Variants in PCDHGB7 observed in about 807,000 individuals in gnomAD.
The protein encoded by PCDHGB7 is protocadherin gamma subfamily B, 7.
In PCDHGB7, 37 loss-of-function variants were observed where a neutral mutation model predicts 61.4. The observed-to-expected ratio is 0.60, with a 90% CI of 0.46 to 0.79. The LOEUF (loss-of-function observed/expected upper bound fraction) is 0.79, where lower values mean the gene tolerates loss of function less well. Ranked by LOEUF, PCDHGB7 falls within the 30% of genes least tolerant of loss-of-function variation. The pLI, the probability that PCDHGB7 is intolerant of heterozygous loss-of-function variation, is 0.00. For missense variants in PCDHGB7, 1,166 were observed against 1,202.5 expected, an observed-to-expected ratio of 0.97 and a Z score of 0.45; for synonymous variants, 464 against 503.5, an observed-to-expected ratio of 0.92 and a Z score of 1.05.
At chr5:141,433,124 G>T in intron 1 of PCDHGB7, 5 of 1,614,136 alleles carry the variant, frequency 3.1e-6, no homozygotes, top group Non-Finnish European at 4.2e-6. Context: ...TGAAAAAAGC[G>T]AGCCCCTTTT....
chr5:141,422,253 T>C (rs917280432), intron 1 of PCDHGB7: 58 of 1,566,438 alleles, frequency 3.7e-5, no homozygotes, highest in Non-Finnish European at 5.0e-5. Context: ...TGGATGTGAA[T>C]GATAACGCTC....
intron 1 of PCDHGB7, among the ~76,000 whole-genome samples, chr5:141,457,931 T>G (rs1335457669): frequency 6.6e-6 from 1 of 152,184 alleles, no homozygotes; most frequent in Non-Finnish European, 1.5e-5. Context: ...CCAAGGGGCT[T>G]TTATTGGCTC....
intron 2 of PCDHGB7, among the ~76,000 whole-genome samples, chr5:141,501,890 A>G (rs1046816316): frequency 6.6e-6 from 1 of 151,980 alleles, no homozygotes; most frequent in Non-Finnish European, 1.5e-5. Flanking sequence ...CCTGATCATC[A>G]TGGTTCCAAC....
At chr5:141,467,920 A>G (rs1244280087) in intron 1 of PCDHGB7, among the ~76,000 whole-genome samples, 1 of 152,124 alleles carries the variant, frequency 6.6e-6, no homozygotes, top group Non-Finnish European at 1.5e-5. Flanking sequence ...CAGCCTCCCA[A>G]AATGCTAGGA....
chr5:141,503,304 A>G (rs946582779), intron 2 of PCDHGB7, among the ~76,000 whole-genome samples: 1 of 152,150 alleles, frequency 6.6e-6, no homozygotes, highest in African/African-American at 2.4e-5. Flanking sequence ...ATTGCTCAAG[A>G]AAGAATTGTT....
At chr5:141,451,060 C>T (rs1241509553) in intron 1 of PCDHGB7, among the ~76,000 whole-genome samples, 1 of 151,562 alleles carries the variant, frequency 6.6e-6, no homozygotes, top group African/African-American at 2.4e-5. Context: ...GAACTCCTGA[C>T]CTTGTGATCC....
At chr5:141,435,362 C>A (rs2097758711) in intron 1 of PCDHGB7, among the ~76,000 whole-genome samples, 1 of 152,120 alleles carries the variant, frequency 6.6e-6, no homozygotes, top group Admixed American at 6.6e-5. Flanking sequence ...AAAATTTTAT[C>A]ACTTAAATAT....
At chr5:141,424,068 G>T in intron 1 of PCDHGB7, 1 of 993,858 alleles carries the variant, frequency 1.0e-6, no homozygotes. Flanking sequence ...TCACTGATTT[G>T]TAGTTATATT....
In PCDHGB7 at chr5:141,511,086, G is replaced by A. The variant is rs2099883600; in HGVS notation, c.2703G>A (p.Leu901=). The A allele has an allele frequency of 1.2e-6, 2 of 1,614,062 alleles. No individual in the cohort carries two copies. The highest frequency in any genetic ancestry group is 2.2e-5 in the East Asian group (1 of 44,886). The change falls in exon 4 of 4, where the codon CTG becomes CTA. Residue 901 remains leucine (L), a synonymous_variant. Transcript: ENST00000398594. ...ACATCCCAGGCAGCAATGCCACACT[G>A]ACCAACGCAGCTGGCAAGCGGGATG... is the stretch of plus-strand genomic sequence containing the variant. The part of the protein sequence containing the change: ...NVYIPGSNAT[L]TNAAGKRDGK...
At chr5:141,484,921 T>A in intron 1 of PCDHGB7, 1 of 478,304 alleles carries the variant, frequency 2.1e-6, no homozygotes, top group South Asian at 2.8e-5. Flanking sequence ...TTAACCCTGC[T>A]GCTGTTGGGA....
At chr5:141,426,946 C>T (rs565370434) in intron 1 of PCDHGB7, 5 of 456,668 alleles carry the variant, frequency 1.1e-5, no homozygotes, top group Non-Finnish European at 2.2e-5. Context: ...CCAGTCCCAA[C>T]TGGCACTGCT....
chr5:141,424,295 C>T (rs1481053072), intron 1 of PCDHGB7: 1 of 152,526 alleles, frequency 6.6e-6, no homozygotes, highest in East Asian at 1.9e-4. Flanking sequence ...TTTCTTCATC[C>T]TATCAACACA....
intron 1 of PCDHGB7, among the ~76,000 whole-genome samples, chr5:141,420,877 G>T (rs566962587): frequency 3.9e-5 from 6 of 152,338 alleles, no homozygotes; most frequent in African/African-American, 1.4e-4. Context: ...TGTAAGTATT[G>T]TGTATCATCG....
chr5:141,455,541 A>G (rs2098825752), intron 1 of PCDHGB7, among the ~76,000 whole-genome samples: 1 of 152,134 alleles, frequency 6.6e-6, no homozygotes, highest in African/African-American at 2.4e-5. Context: ...CATATCATTC[A>G]CGTAGCCCGA....
intron 1 of PCDHGB7, chr5:141,478,308 T>A: frequency 6.2e-7 from 1 of 1,614,050 alleles, no homozygotes; most frequent in Non-Finnish European, 8.5e-7. Context: ...CGAGCCCCGG[T>A]GAGCTCACTG....
chr5:141,455,140 A>G (rs1465733732), intron 1 of PCDHGB7, among the ~76,000 whole-genome samples: 1 of 150,512 alleles, frequency 6.6e-6, no homozygotes, highest in Non-Finnish European at 1.5e-5. Context: ...ACACTGTGTT[A>G]AATAAATATT....
intron 1 of PCDHGB7, among the ~76,000 whole-genome samples, chr5:141,447,650 T>G (rs555134653): frequency 1.3e-5 from 2 of 151,988 alleles, no homozygotes; most frequent in Non-Finnish European, 2.9e-5. Flanking sequence ...GGTAGAATTT[T>G]CCCCCCCAGG....
intron 2 of PCDHGB7, among the ~76,000 whole-genome samples, chr5:141,504,143 C>A (rs2099835975): frequency 6.6e-6 from 1 of 152,136 alleles, no homozygotes; most frequent in Non-Finnish European, 1.5e-5. Flanking sequence ...CACTCCCCTG[C>A]AAATTGAAAT....
At chr5:141,442,253 G>A (rs910914393) in intron 1 of PCDHGB7, 2 of 153,064 alleles carry the variant, frequency 1.3e-5, no homozygotes, top group Non-Finnish European at 2.9e-5. Flanking sequence ...TGCATTGTTT[G>A]TGCTGGTTTT....
Sources: gnomAD v4.1 joint callset for allele counts (sites outside exome capture counted in the v4.1 genomes callset) on GRCh38, gnomAD v4.1.1 for gene constraint, MANE v1.5 for transcripts, NCBI Gene and HGNC (gene_info 2026-07-23, HGNC 2026-07-21) for gene names.